The following IFIT3 variants were observed in gnomAD, a reference collection of about 807,000 sequenced individuals.
IFIT3 encodes the protein interferon induced protein with tetratricopeptide repeats 3.
In IFIT3, 2 loss-of-function variants were observed where a neutral mutation model predicts 2.4. That is an observed-to-expected ratio of 0.82 (90% CI 0.34 to 2.60). The LOEUF is 2.60. IFIT3 is among the 30% of genes most tolerant of loss of function. The pLI is 0.11. For synonymous variants in IFIT3, 203 were observed against 212.1 expected (o/e 0.96, Z 0.37); for missense variants, 481 against 562.4 (o/e 0.86, Z 1.46).
chr10:89,335,442 A>G, intron 1 of IFIT3: 1 of 149,506 alleles, frequency 6.7e-6, no homozygotes, highest in African/African-American at 2.6e-5. Flanking sequence ...GACAGGGTGG[A>G]AGTATGTTTC....
chr10:89,338,416 T>C (rs1322632724), intron 1 of IFIT3: 8 of 427,852 alleles, frequency 1.9e-5, no homozygotes, highest in East Asian at 1.1e-4. Flanking sequence ...CTTTTTGTTC[T>C]ATTAAGGCCC....
intron 1 of IFIT3, among the ~76,000 whole-genome samples, chr10:89,328,654 T>A (rs1249211646): frequency 1.3e-5 from 2 of 152,210 alleles, no homozygotes; most frequent in South Asian, 4.1e-4. Context: ...AAACAATTCT[T>A]ACAAATGGGC....
At position 89,339,887 on chromosome 10, in the gene IFIT3, C is replaced by T. The variant is rs1044101194; in HGVS notation, c.1232C>T (p.Pro411Leu). 3 of 1,614,036 alleles carry T rather than the reference C, an allele frequency of 1.9e-6. No homozygotes were observed. The African/African-American group carries it at 4.0e-5, about 22-fold the overall frequency. Residue 411 changes from proline (P) to leucine (L), a missense_variant, in exon 2 of 2, where the codon CCA (proline) becomes CTA (leucine). Physicochemically the swap from Pro to Leu is moderately conservative, Grantham distance 98 (BLOSUM62 -3). Coordinates refer to ENST00000371818, the MANE Select transcript of IFIT3 (RefSeq NM_001549.6). ...CAGAATGTATCTGAAAATCTGCTTC[C>T]ACAAAATGCACCAAATTATTGGTAT... ...QPQNVSENLL[P>L]QNAPNYWYLQ...
intron 1 of IFIT3, chr10:89,335,527 A>G (rs1843722274): frequency 6.6e-6 from 1 of 150,948 alleles, no homozygotes; most frequent in African/African-American, 2.5e-5. Flanking sequence ...TTGATATGTC[A>G]AAGCCTTCTG....
chr10:89,339,407 A>T lies in IFIT3; in HGVS notation c.752A>T (p.Tyr251Phe). ...GTCCTCCGCAGTGCAGCCAAATTTT[A>T]CAGAAGAAAAGGTGACCTAGACAAA... ...TDVLRSAAKF[Y>F]RRKGDLDKAI... The change falls in exon 2 of 2, where the codon TAC becomes TTC. Residue 251 changes from tyrosine to phenylalanine, a missense_variant. By Grantham distance (22) the Tyr-to-Phe change is conservative. Coordinates refer to ENST00000371818, the MANE Select transcript of IFIT3 (RefSeq NM_001549.6). 1.9e-6 allele frequency: 3 copies of T among 1,614,212 alleles called. No individual in the cohort carries two copies. The highest frequency in any genetic ancestry group is 2.5e-6 in the Non-Finnish European group (3 of 1,180,024).
rs954848525 is a variant in IFIT3, at chr10:89,331,570, G to C, written c.5+3492G>C. On this transcript the variant is annotated intron_variant, in intron 1 of 1. Transcript: ENST00000371818. ...ATTGCTTAATATTCTTTTGTAAAGA[G>C]GTAACATGGCTGGCCGCAGTGGCTC... Among the ~76,000 whole-genome samples, 10 of 152,270 alleles carry C rather than the reference G, an allele frequency of 6.6e-5. 1 individual carries two copies. In the South Asian group the frequency reaches 2.1e-3, roughly 32 times the overall value.
intron 1 of IFIT3, among the ~76,000 whole-genome samples, chr10:89,334,478 CTTTTTTTTTTTTTTTTTTT>C (rs578154457): frequency 4.0e-5 from 1 of 25,314 alleles, no homozygotes; most frequent in Admixed American, 5.7e-4. Flanking sequence ...TTCTTTTATT[CTTTTTTTTTTTTTTTTTTT>C]TTTTTTTTTT....
In IFIT3 at chr10:89,328,041, C is replaced by T. The variant is rs1199695859; in HGVS notation, c.-33C>T. The T allele has an allele frequency of 6.2e-7, 1 of 1,613,684 alleles. No individual in the cohort carries two copies. Among genetic ancestry groups the T allele is most frequent in the South Asian group, 1.1e-5 (1 of 91,070 alleles). ...AAGAACAAATCAGCCTGGTCACCAGCTTTTCGGAACAGCAGAGACACAGAG... is the reference window on the plus strand; with the variant it reads ...AAGAACAAATCAGCCTGGTCACCAGTTTTTCGGAACAGCAGAGACACAGAG... On this transcript the variant is annotated 5_prime_UTR_variant, in exon 1 of 2. Transcript: ENST00000371818.
chr10:89,332,224 G>C (rs1250914252), intron 1 of IFIT3, among the ~76,000 whole-genome samples: 1 of 152,220 alleles, frequency 6.6e-6, no homozygotes. Context: ...ACAGGTCAAA[G>C]AGCAACAGTC....
intron 1 of IFIT3, among the ~76,000 whole-genome samples, chr10:89,337,452 T>C (rs12245627): frequency 0.062 from 9,407 of 152,086 alleles, 695 homozygotes; most frequent in African/African-American, 0.18. Flanking sequence ...CTGGCTGGAG[T>C]GTAATGGTGT....
chr10:89,338,452 A>G (rs1843783494), intron 1 of IFIT3, among the ~76,000 whole-genome samples: 2 of 152,232 alleles, frequency 1.3e-5, no homozygotes, highest in African/African-American at 2.4e-5. Context: ...ATGCCCACCC[A>G]TACTGGGGAG....
In IFIT3 at chr10:89,340,051, G is replaced by C. The variant is rs763666885; in HGVS notation, c.1396G>C (p.Gly466Arg). 1.5e-5 allele frequency: 25 copies of C among 1,614,012 alleles called. No individual in the cohort carries two copies. The highest frequency in any genetic ancestry group is 2.0e-5 in the Non-Finnish European group (24 of 1,180,018). Residue 466 changes from glycine to arginine, a missense_variant, in exon 2 of 2, where the codon GGT (glycine) becomes CGT (arginine). Transcript: ENST00000371818. ...CCTGTCAGCATCTGAGCTTGAGGAT[G>C]GTAGTGAGGAAATGGGCCAGGGCGC... ...IFLSASELED[G>R]SEEMGQGAVS...
At chr10:89,338,531 C>A in intron 1 of IFIT3, 130 bp from the exon 2 acceptor site, 1 of 846,308 alleles carries the variant, frequency 1.2e-6, no homozygotes, top group Non-Finnish European at 1.8e-6. Flanking sequence ...CACATACATA[C>A]CCAGAAATAA....
intron 1 of IFIT3, among the ~76,000 whole-genome samples, chr10:89,334,476 T>TTC (rs1843699592): frequency 2.7e-5 from 2 of 75,398 alleles, no homozygotes; most frequent in East Asian, 9.9e-4. Flanking sequence ...TTTTCTTTTA[T>TTC]TCTTTTTTTT....
At chr10:89,335,850 T>C (rs1843730489) in intron 1 of IFIT3, among the ~76,000 whole-genome samples, 1 of 152,226 alleles carries the variant, frequency 6.6e-6, no homozygotes, top group Non-Finnish European at 1.5e-5. Context: ...GCATAACAGA[T>C]ATAAGCAGAG....
chr10:89,338,912 C>T lies in IFIT3; in HGVS notation c.257C>T (p.Ala86Val), dbSNP rs1453403759. 11 of 1,614,036 alleles carry T rather than the reference C, an allele frequency of 6.8e-6. No homozygotes were observed. Among genetic ancestry groups the T allele is most frequent in the Admixed American group, 1.7e-5 (1 of 59,994 alleles). The change falls in exon 2 of 2, where the codon GCT becomes GTT. Residue 86 changes from alanine to valine, a missense_variant. Ala to Val is a moderately conservative substitution (Grantham distance 64, BLOSUM62 0). Coordinates refer to ENST00000371818, the MANE Select transcript of IFIT3 (RefSeq NM_001549.6). ...QAEELIQQEH[A>V]DQAEIRSLVT... ...GAAGAGTTAATCCAGCAAGAACATG[C>T]TGACCAAGCAGAAATCAGAAGTCTA...
intron 1 of IFIT3, among the ~76,000 whole-genome samples, chr10:89,333,634 A>C (rs1843684699): frequency 6.6e-6 from 1 of 152,266 alleles, no homozygotes; most frequent in African/African-American, 2.4e-5. Flanking sequence ...CAGGGGCTCC[A>C]GACCAGAATT....
chr10:89,338,506 T>G (rs190142392), intron 1 of IFIT3, among the ~76,000 whole-genome samples, 155 bp from the exon 2 acceptor site: 27 of 152,318 alleles, frequency 1.8e-4, no homozygotes, highest in African/African-American at 6.5e-4. Flanking sequence ...TGTTCATGTC[T>G]TCCAGAAACA....
chr10:89,338,544 T>C (rs768439713), intron 1 of IFIT3, 117 bp from the exon 2 acceptor site: 39 of 958,552 alleles, frequency 4.1e-5, no homozygotes, highest in Middle Eastern at 6.1e-4. Context: ...AGAAATAATG[T>C]TGGACCAAAT....
Sources: allele counts gnomAD v4.1 joint callset (sites outside exome capture counted in the v4.1 genomes callset), GRCh38; gene constraint gnomAD v4.1.1; transcripts MANE v1.5; gene names NCBI Gene and HGNC (gene_info 2026-07-23, HGNC 2026-07-21).